ACTL8: variants seen among roughly 807,000 people sequenced by gnomAD.
The protein encoded by ACTL8 is actin like 8.
Under a neutral mutation model 9.3 loss-of-function variants are expected in ACTL8, and 3 were observed. That is an observed-to-expected ratio of 0.32 (90% CI 0.15 to 0.83). The LOEUF is 0.83. Ranked by LOEUF, ACTL8 falls within the 40% of genes least tolerant of loss-of-function variation. ACTL8 has a pLI of 0.57. For missense variants in ACTL8, 381 were observed against 492.2 expected (o/e 0.77, Z 2.14); for synonymous variants, 224 against 205.9 (o/e 1.09, Z -0.75).
chr1:17,809,698 C>T lies in ACTL8; in HGVS notation c.-24-13287C>T, dbSNP rs374315970. Among the ~76,000 whole-genome samples, 21 of 150,974 alleles carry T rather than the reference C, an allele frequency of 1.4e-4. No homozygotes were observed. The South Asian group carries it at 2.5e-3, about 18-fold the overall frequency. ...GTGCTCCTTATGAGAATCTAATGCCCGATGATCTGTCGGTGTCTCCCATCA... is the reference window on the plus strand; with the variant it reads ...GTGCTCCTTATGAGAATCTAATGCCTGATGATCTGTCGGTGTCTCCCATCA... On this transcript the variant is annotated intron_variant, in intron 1 of 2. Transcript: ENST00000375406.
chr1:17,824,863 A>G (rs2053700341), intron 2 of ACTL8, among the ~76,000 whole-genome samples: 1 of 151,856 alleles, frequency 6.6e-6, no homozygotes, highest in South Asian at 2.1e-4. Context: ...GAAAAAGAGG[A>G]CCTTGGCTGC....
intron 1 of ACTL8, among the ~76,000 whole-genome samples, chr1:17,820,125 A>G (rs78084996): frequency 0.023 from 3,460 of 152,298 alleles, 126 homozygotes; most frequent in African/African-American, 0.076. Flanking sequence ...GCATAGTTCC[A>G]TCATGGCCCC....
At chr1:17,814,854 C>G (rs1252732757) in intron 1 of ACTL8, among the ~76,000 whole-genome samples, 2 of 152,154 alleles carry the variant, frequency 1.3e-5, no homozygotes, top group Non-Finnish European at 2.9e-5. Context: ...ACCAACAAAA[C>G]AAGACAATAC....
At chr1:17,809,783 A>G (rs61766698) in intron 1 of ACTL8, among the ~76,000 whole-genome samples, 5,781 of 152,144 alleles carry the variant, frequency 0.038, 125 homozygotes, top group African/African-American at 0.044. Flanking sequence ...CTGATTCTAC[A>G]TGATGGTGAT....
At chr1:17,774,248 T>G (rs1236864607) in intron 1 of ACTL8, among the ~76,000 whole-genome samples, 1 of 152,062 alleles carries the variant, frequency 6.6e-6, no homozygotes, top group Non-Finnish European at 1.5e-5. Flanking sequence ...TTCCTGCCTT[T>G]CCCTCATTTT....
rs1046137410 is a variant in ACTL8 at position 17,794,208 on chromosome 1, G to A, written c.-24-28777G>A. 5.3e-5 allele frequency among the ~76,000 whole-genome samples: 8 copies of A among 152,180 alleles called. No homozygotes were observed. The South Asian group carries it at 1.2e-3, about 24-fold the overall frequency. ...GGAGAGTGGGTAATATCTGAACCTAGGTCTGGCTGACCTTTTAGCCCGTGG... is the reference window on the plus strand; with the variant it reads ...GGAGAGTGGGTAATATCTGAACCTAAGTCTGGCTGACCTTTTAGCCCGTGG... On this transcript the variant is annotated intron_variant, in intron 1 of 2. Coordinates refer to ENST00000375406, the MANE Select transcript of ACTL8 (RefSeq NM_030812.3).
chr1:17,802,994 T>C (rs2066334239), intron 1 of ACTL8, among the ~76,000 whole-genome samples: 1 of 152,036 alleles, frequency 6.6e-6, no homozygotes, highest in South Asian at 2.1e-4. Flanking sequence ...AAAATAAAAA[T>C]AAAATAACAA....
chr1:17,766,310 C>A (rs1310651801), intron 1 of ACTL8, among the ~76,000 whole-genome samples: 2 of 152,188 alleles, frequency 1.3e-5, no homozygotes, highest in African/African-American at 4.8e-5. Context: ...CCTCGTGAGG[C>A]TGGGACTGGT....
At chr1:17,777,422 G>A (rs560535855) in intron 1 of ACTL8, among the ~76,000 whole-genome samples, 8 of 152,234 alleles carry the variant, frequency 5.3e-5, no homozygotes, top group Middle Eastern at 6.8e-3. Context: ...ACTTGGAAGC[G>A]TGTCCCCATT....
At chr1:17,794,777 C>T (rs1469438618) in intron 1 of ACTL8, among the ~76,000 whole-genome samples, 2 of 152,208 alleles carry the variant, frequency 1.3e-5, no homozygotes, top group South Asian at 2.1e-4. Flanking sequence ...AGAGATCCCA[C>T]AGAGAGTTGC....
chr1:17,813,760 G>T (rs541198026), intron 1 of ACTL8, among the ~76,000 whole-genome samples: 1 of 152,228 alleles, frequency 6.6e-6, no homozygotes, highest in African/African-American at 2.4e-5. Context: ...AGTATTCTTT[G>T]TTGAAGGTTT....
intron 1 of ACTL8, 59 bp downstream of exon 1, chr1:17,755,563 T>TG (rs2065961185): frequency 6.6e-6 from 1 of 151,754 alleles, no homozygotes; most frequent in African/African-American, 2.4e-5. Flanking sequence ...ACTGTTTTTT[T>TG]TTTTTTTTTT....
At chr1:17,774,627 G>C (rs1389595167) in intron 1 of ACTL8, among the ~76,000 whole-genome samples, 1 of 152,118 alleles carries the variant, frequency 6.6e-6, no homozygotes, top group Non-Finnish European at 1.5e-5. Flanking sequence ...CAAAGGTCCT[G>C]GGGTAGGCAT....
chr1:17,821,192 T>A (rs2053657507), intron 1 of ACTL8, among the ~76,000 whole-genome samples: 1 of 152,160 alleles, frequency 6.6e-6, no homozygotes, highest in Admixed American at 6.5e-5. Flanking sequence ...AATATATGAT[T>A]TGTAAGTATT....
intron 1 of ACTL8, among the ~76,000 whole-genome samples, chr1:17,806,042 C>T (rs1458902972): frequency 1.3e-5 from 2 of 152,214 alleles, no homozygotes; most frequent in South Asian, 2.1e-4. Flanking sequence ...AAGGCATCAT[C>T]TTCCTGCTTC....
rs569874926 is a variant in ACTL8, at chr1:17,772,613, G to A, written c.-25+17109G>A. Among the ~76,000 whole-genome samples the A allele has an allele frequency of 1.5e-3, 222 of 152,334 alleles. 1 individual carries two copies. Among genetic ancestry groups the A allele is most frequent in the Admixed American group, 6.9e-3 (105 of 15,302 alleles). On this transcript the variant is annotated intron_variant, in intron 1 of 2. Transcript: ENST00000375406. Reference sequence around the variant, plus strand: ...AGTTTATGCAGGATCATGCTGGACCGGAGAGAGGGAGCCCAATAGTGGTGG... The same window carrying A: ...AGTTTATGCAGGATCATGCTGGACCAGAGAGAGGGAGCCCAATAGTGGTGG...
At chr1:17,794,318 C>T (rs2066262366) in intron 1 of ACTL8, among the ~76,000 whole-genome samples, 1 of 150,938 alleles carries the variant, frequency 6.6e-6, no homozygotes. Flanking sequence ...TCCTTTTCCT[C>T]ATCTATAAAA....
chr1:17,790,910 T>A (rs1354870992), intron 1 of ACTL8, among the ~76,000 whole-genome samples: 1 of 152,184 alleles, frequency 6.6e-6, no homozygotes, highest in Non-Finnish European at 1.5e-5. Flanking sequence ...CGTGTGCACA[T>A]CTGGCTGGGC....
chr1:17,780,782 A>G (rs1457292742), intron 1 of ACTL8, among the ~76,000 whole-genome samples: 1 of 151,840 alleles, frequency 6.6e-6, no homozygotes, highest in East Asian at 1.9e-4. Flanking sequence ...CCAATTTGGG[A>G]CACACTGAGG....
Sources: allele counts gnomAD v4.1 joint callset (sites outside exome capture counted in the v4.1 genomes callset), GRCh38; gene constraint gnomAD v4.1.1; transcripts MANE v1.5; gene names NCBI Gene and HGNC (gene_info 2026-07-23, HGNC 2026-07-21).